FHIT: variants seen among roughly 807,000 people sequenced by gnomAD.
FHIT encodes the protein bis(5'-adenosyl)-triphosphatase.
A neutral mutation model predicts 17.9 loss-of-function variants in FHIT; 19 were observed. That is an observed-to-expected ratio of 1.06 (90% confidence interval 0.74 to 1.56). The LOEUF (loss-of-function observed/expected upper bound fraction) is 1.56. Ranked by LOEUF, FHIT falls within the 40% of genes most tolerant of loss-of-function variation. The pLI, the probability that FHIT is intolerant of heterozygous loss-of-function variation, is 0.00. For synonymous variants in FHIT, 81 were observed against 69.7 expected (o/e 1.16, Z -0.81); for missense variants, 248 against 189.2 (o/e 1.31, Z -1.82).
At chr3:60,395,062 C>G (rs920841024) in intron 5 of FHIT, among the ~76,000 whole-genome samples, 1 of 152,106 alleles carries the variant, frequency 6.6e-6, no homozygotes, top group Non-Finnish European at 1.5e-5. Flanking sequence ...TTGGAGAAGT[C>G]ACATTTAAGA....
intron 4 of FHIT, among the ~76,000 whole-genome samples, chr3:60,538,521 T>C (rs975578256): frequency 5.3e-5 from 8 of 152,062 alleles, no homozygotes; most frequent in Admixed American, 2.0e-4. Flanking sequence ...GGAGGCATCA[T>C]GCTACCTGAC....
intron 2 of FHIT, among the ~76,000 whole-genome samples, chr3:61,181,770 G>C (rs944519292): frequency 6.6e-6 from 1 of 152,060 alleles, no homozygotes; most frequent in Admixed American, 6.5e-5. Context: ...ACTATTCTTG[G>C]AGAAAAATCT....
At chr3:60,526,987 G>A (rs79765039) in intron 5 of FHIT, among the ~76,000 whole-genome samples, 11,278 of 152,224 alleles carry the variant, frequency 0.074, 901 homozygotes, top group East Asian at 0.2. Context: ...GTTTGGGGGC[G>A]TGGAGGTATG....
chr3:60,031,251 G>C (rs1366797705), intron 5 of FHIT, among the ~76,000 whole-genome samples: 2 of 152,216 alleles, frequency 1.3e-5, no homozygotes, highest in Admixed American at 6.5e-5. Context: ...GATAGTCATG[G>C]AGTTTTCTGT....
chr3:60,681,514 T>C (rs781924094), intron 4 of FHIT, among the ~76,000 whole-genome samples: 4 of 152,152 alleles, frequency 2.6e-5, no homozygotes, highest in Non-Finnish European at 4.4e-5. Flanking sequence ...ATGATTAAGC[T>C]TGGCGAGGAA....
chr3:60,503,274 T>C (rs897447975), intron 5 of FHIT, among the ~76,000 whole-genome samples: 2 of 152,186 alleles, frequency 1.3e-5, no homozygotes, highest in African/African-American at 4.8e-5. Flanking sequence ...ATTAGGAAAA[T>C]TATTACTATT....
At chr3:59,822,584 C>G (rs919147654) in intron 8 of FHIT, among the ~76,000 whole-genome samples, 1 of 151,952 alleles carries the variant, frequency 6.6e-6, no homozygotes, top group Non-Finnish European at 1.5e-5. Context: ...ATTTTTTGAC[C>G]ATTTGTACAT....
chr3:60,352,251 T>C (rs1447309815), intron 5 of FHIT, among the ~76,000 whole-genome samples: 1 of 152,144 alleles, frequency 6.6e-6, no homozygotes. Flanking sequence ...GACAAAAATA[T>C]GCTAGGAGAT....
chr3:61,014,810 A>AAAAAT (rs1559910694), intron 3 of FHIT, among the ~76,000 whole-genome samples: 7 of 129,866 alleles, frequency 5.4e-5, no homozygotes, highest in African/African-American at 2.0e-4. Context: ...AAAAAAAAAT[A>AAAAAT]TATATATATA....
chr3:61,008,693 A>C (rs776954316), intron 3 of FHIT, among the ~76,000 whole-genome samples: 2 of 152,166 alleles, frequency 1.3e-5, no homozygotes, highest in Non-Finnish European at 2.9e-5. Context: ...TGGACAGCTT[A>C]ATGAGGGAGG....
intron 1 of FHIT, among the ~76,000 whole-genome samples, chr3:61,206,895 C>A (rs1175845273): frequency 6.6e-6 from 1 of 152,118 alleles, no homozygotes; most frequent in African/African-American, 2.4e-5. Flanking sequence ...CTGTCTTGTG[C>A]CAGTTTTCAA....
In FHIT at chr3:60,178,900, C is replaced by T. The variant is rs960322140; in HGVS notation, c.104-164748G>A. On this transcript the variant is annotated intron_variant, in intron 5 of 9. Transcript: ENST00000492590. ...TATTGCCCTCTGTATTCTCCTAAAG[C>T]GTTTTAGCTTGGGGACGATTTTCCC... Among the ~76,000 whole-genome samples the T allele has an allele frequency of 7.9e-5, 12 of 152,180 alleles. No homozygotes were observed. The East Asian group carries it at 9.7e-4, about 12-fold the overall frequency.
chr3:60,298,404 C>G (rs912515702), intron 5 of FHIT, among the ~76,000 whole-genome samples: 1 of 152,094 alleles, frequency 6.6e-6, no homozygotes, highest in South Asian at 2.1e-4. Context: ...ACTCTTATCT[C>G]CAGAGATTTC....
chr3:60,800,736 G>A (rs1701157376), intron 4 of FHIT, among the ~76,000 whole-genome samples: 1 of 152,182 alleles, frequency 6.6e-6, no homozygotes, highest in African/African-American at 2.4e-5. Flanking sequence ...TTCAGCTGGA[G>A]TCCAGCCATG....
intron 4 of FHIT, among the ~76,000 whole-genome samples, chr3:60,711,012 G>C (rs1028931214): frequency 6.6e-6 from 1 of 152,182 alleles, no homozygotes; most frequent in Admixed American, 6.5e-5. Flanking sequence ...CAGCCTAACA[G>C]GGAGGCACCC....
At chr3:59,794,090 C>T (rs534316633) in intron 8 of FHIT, among the ~76,000 whole-genome samples, 1 of 152,148 alleles carries the variant, frequency 6.6e-6, no homozygotes, top group Non-Finnish European at 1.5e-5. Flanking sequence ...AAAAAAAGAG[C>T]CTTATCCTCC....
chr3:61,021,868 C>CATTTAGA (rs758915270), intron 3 of FHIT, among the ~76,000 whole-genome samples: 49 of 152,046 alleles, frequency 3.2e-4, no homozygotes, highest in Non-Finnish European at 5.7e-4. Context: ...AAATGTATAG[C>CATTTAGA]ACTAAATGCT....
intron 5 of FHIT, among the ~76,000 whole-genome samples, chr3:60,226,490 A>AAAAAAAAAAAAAAAC (rs1704210318): frequency 6.6e-6 from 1 of 150,636 alleles, no homozygotes; most frequent in African/African-American, 2.5e-5. Context: ...AAAAAAAAAA[A>AAAAAAAAAAAAAAAC]AAAACACTGC....
chr3:60,289,539 T>C (rs536895905), intron 5 of FHIT, among the ~76,000 whole-genome samples: 3 of 152,316 alleles, frequency 2.0e-5, no homozygotes, highest in South Asian at 4.1e-4. Flanking sequence ...AAACGGGCTA[T>C]TTAAGATTCC....
Sources: allele counts gnomAD v4.1 joint callset (sites outside exome capture counted in the v4.1 genomes callset), GRCh38; gene constraint gnomAD v4.1.1; transcripts MANE v1.5; gene names NCBI Gene and HGNC (gene_info 2026-07-23, HGNC 2026-07-21).